Variants in UNC45B observed in about 807,000 individuals in gnomAD.
The protein encoded by UNC45B is protein unc-45 homolog B.
UNC45B carries 78 observed loss-of-function variants against 98.7 expected under a neutral mutation model. The observed-to-expected ratio is 0.79, with a 90% CI of 0.66 to 0.95. UNC45B has a LOEUF of 0.95. Among genes scored for constraint, UNC45B ranks in the 40% least tolerant of loss-of-function variants. The pLI is 0.00. For missense variants in UNC45B, 1,225 were observed against 1,184.9 expected, an observed-to-expected ratio of 1.03 and a Z score of -0.50; for synonymous variants, 462 against 480.4, an observed-to-expected ratio of 0.96 and a Z score of 0.50.
intron 9 of UNC45B, 67 bp downstream of exon 9, chr17:35,164,233 A>G (rs993606691): frequency 1.3e-6 from 2 of 1,496,578 alleles, no homozygotes. Context: ...GTAACAAATT[A>G]TCTCAAAATT....
At position 35,177,031 on chromosome 17, in the gene UNC45B, G is replaced by A. The variant is rs2092238921; in HGVS notation, c.2040G>A (p.Leu680=). 1 of 1,613,996 alleles carries A rather than the reference G, an allele frequency of 6.2e-7. No individual in the cohort carries two copies. Among genetic ancestry groups the A allele is most frequent in the African/African-American group, 1.3e-5 (1 of 74,936 alleles). The change falls in exon 16 of 20, where the codon CTG becomes CTA. Residue 680 remains leucine, a synonymous_variant. Coordinates refer to ENST00000394570, the MANE Select transcript of UNC45B (RefSeq NM_001267052.2). ...AQGGGKALIP[L]ALEGTDVGKV... is the part of the protein sequence containing the mutation. ...CTTTCTTGCAGGCCCTGATTCCCCT[G>A]GCTTTGGAGGGCACAGATGTGGGCA...
intron 6 of UNC45B, 146 bp from the exon 7 acceptor site, chr17:35,155,150 G>A (rs1457379707): frequency 1.0e-6 from 1 of 957,882 alleles, no homozygotes; most frequent in Admixed American, 2.7e-5. Flanking sequence ...TTCCAGGACA[G>A]AGGGGCCCAT....
At chr17:35,173,007 G>A (rs1439087172) in intron 13 of UNC45B, among the ~76,000 whole-genome samples, 2 of 152,156 alleles carry the variant, frequency 1.3e-5, no homozygotes, top group East Asian at 1.9e-4. Flanking sequence ...ACAGCAAGGC[G>A]TGCTGTATAC....
chr17:35,155,491 C>G, intron 7 of UNC45B, 27 bp downstream of exon 7: 1 of 1,609,470 alleles, frequency 6.2e-7, no homozygotes, highest in Non-Finnish European at 8.5e-7. Flanking sequence ...AGTTTTGATT[C>G]AAGGGGATGG....
Position 35,165,032 on chromosome 17 carries a change from G to A in UNC45B, c.1151+866G>A, listed in dbSNP as rs146667821. Among the ~76,000 whole-genome samples the A allele has an allele frequency of 2.3e-3, 344 of 152,102 alleles. 8 individuals carry two copies. In the East Asian group the frequency reaches 0.038, roughly 17 times the overall value. On this transcript the variant is annotated intron_variant, in intron 9 of 19. Transcript: ENST00000394570. ...TGAGACTATAAGTGTGCACTACCAC[G>A]CCTGGCTAATTTTTGTATTTTTTGT...
chr17:35,154,785 T>A, intron 6 of UNC45B, 44 bp downstream of exon 6: 1 of 1,519,176 alleles, frequency 6.6e-7, no homozygotes, highest in Non-Finnish European at 8.7e-7. Context: ...CGACTGCTGG[T>A]CCAAGGATCC....
chr17:35,183,446 C>A lies in UNC45B; in HGVS notation c.2393C>A (p.Ala798Asp). 1.3e-6 allele frequency: 2 copies of A among 1,593,856 alleles called. No individual in the cohort carries two copies. Among genetic ancestry groups the A allele is most frequent in the Non-Finnish European group, 1.7e-6 (2 of 1,169,928 alleles). ...CCACAGGTACAGGAAAGGTTCTTGG[C>A]TGACGGGAATGACCGGCTGAAGCTG... ...LHKEVQERFL[A>D]DGNDRLKLVV... is the part of the protein sequence containing the mutation. Residue 798 changes from alanine to aspartate, a missense_variant, in exon 19 of 20, where the codon GCT becomes GAT. Physicochemically the swap from Ala to Asp is moderately radical, Grantham distance 126. Coordinates refer to ENST00000394570, the MANE Select transcript of UNC45B (RefSeq NM_001267052.2).
intron 2 of UNC45B, 126 bp downstream of exon 2, chr17:35,148,557 G>A (rs1373200332): frequency 8.6e-7 from 1 of 1,158,416 alleles, no homozygotes. Context: ...CCTGGGGTTG[G>A]AGAAGGGTGC....
chr17:35,184,134 T>C (rs946860954), intron 19 of UNC45B, among the ~76,000 whole-genome samples: 2 of 152,210 alleles, frequency 1.3e-5, no homozygotes, highest in Non-Finnish European at 2.9e-5. Flanking sequence ...GTGAAAAATG[T>C]GGACATCTCA....
At chr17:35,161,926 G>A (rs746886457) in intron 8 of UNC45B, among the ~76,000 whole-genome samples, 18 of 152,144 alleles carry the variant, frequency 1.2e-4, no homozygotes, top group Non-Finnish European at 2.5e-4. Flanking sequence ...AAAATCCCTA[G>A]CCAAAGGGGC....
chr17:35,170,529 TA>T (rs35208483), intron 12 of UNC45B, among the ~76,000 whole-genome samples: 36,568 of 70,118 alleles, frequency 0.52, 7,625 homozygotes, highest in Admixed American at 0.6. Context: ...CTGAGGCAGC[TA>T]AAAAAAAAAA....
chr17:35,157,703 A>G (rs2092073568), intron 7 of UNC45B, among the ~76,000 whole-genome samples: 1 of 152,176 alleles, frequency 6.6e-6, no homozygotes, highest in African/African-American at 2.4e-5. Context: ...CTTCTTAAAG[A>G]TATTTGCCTA....
At chr17:35,153,970 C>T (rs1277685932) in intron 5 of UNC45B, among the ~76,000 whole-genome samples, 1 of 152,260 alleles carries the variant, frequency 6.6e-6, no homozygotes, top group South Asian at 2.1e-4. Context: ...GACTTGGGAA[C>T]CTGCTTGCTC....
intron 14 of UNC45B, among the ~76,000 whole-genome samples, chr17:35,174,809 G>T (rs952172782): frequency 6.6e-6 from 1 of 151,010 alleles, no homozygotes; most frequent in African/African-American, 2.4e-5. Flanking sequence ...AACAGAGCAA[G>T]ATCCTGTCTC....
In UNC45B at chr17:35,188,779, C is replaced by T. The variant is rs1342988403; in HGVS notation, c.*2220C>T. 1.3e-5 allele frequency: 2 copies of T among 152,196 alleles called. No homozygotes were observed. Among genetic ancestry groups the T allele is most frequent in the Non-Finnish European group, 2.9e-5 (2 of 68,016 alleles). 9.4% of individuals were successfully genotyped at this position (152,196 alleles called of 1,614,324 possible). On this transcript the variant is annotated 3_prime_UTR_variant, in exon 20 of 20. Coordinates refer to ENST00000394570, the MANE Select transcript of UNC45B (RefSeq NM_001267052.2). ...GAATTCCTTCATCTGATTTTTGCCA[C>T]TGGGCTGCCTCCCATTGTCTGGCTA...
Position 35,174,289 on chromosome 17 carries a change from G to A in UNC45B, c.1878G>A (p.Ala626=), listed in dbSNP as rs558810868. 7.1e-5 allele frequency: 114 copies of A among 1,614,202 alleles called. No homozygotes were observed. Among genetic ancestry groups the A allele is most frequent in the Admixed American group, 1.0e-4 (6 of 60,028 alleles). ...IDMRVKRLLK[A]GVISALACMV... Reference sequence around the variant, plus strand: ...TGCGGGTGAAGCGGCTTCTGAAGGCGGGTGTCATCTCTGCCCTGGCTTGCA... The same window carrying A: ...TGCGGGTGAAGCGGCTTCTGAAGGCAGGTGTCATCTCTGCCCTGGCTTGCA... The change falls in exon 14 of 20, where the codon GCG becomes GCA. Residue 626 remains alanine, a synonymous_variant. Coordinates refer to ENST00000394570, the MANE Select transcript of UNC45B (RefSeq NM_001267052.2).
At chr17:35,184,608 A>G (rs898554051) in intron 19 of UNC45B, among the ~76,000 whole-genome samples, 1 of 152,080 alleles carries the variant, frequency 6.6e-6, no homozygotes, top group Non-Finnish European at 1.5e-5. Context: ...AATTCTCCCA[A>G]CCACCGTGTG....
chr17:35,163,315 C>T (rs1473045914), intron 8 of UNC45B, among the ~76,000 whole-genome samples: 2 of 152,128 alleles, frequency 1.3e-5, no homozygotes, highest in African/African-American at 2.4e-5. Context: ...GTATTGTGAG[C>T]TTTTGGAGGT....
At chr17:35,156,093 C>G (rs534918550) in intron 7 of UNC45B, among the ~76,000 whole-genome samples, 1 of 152,044 alleles carries the variant, frequency 6.6e-6, no homozygotes, top group Non-Finnish European at 1.5e-5. Flanking sequence ...AATAAGCCAG[C>G]CACAAAAAGA....
Sources: gnomAD v4.1 joint callset for allele counts (sites outside exome capture counted in the v4.1 genomes callset) on GRCh38, gnomAD v4.1.1 for gene constraint, MANE v1.5 for transcripts, NCBI Gene and HGNC (gene_info 2026-07-23, HGNC 2026-07-21) for gene names.